Variants in LTBP2 observed in about 807,000 individuals in gnomAD.
LTBP2 encodes the protein latent transforming growth factor beta binding protein 2.
In LTBP2, 103 loss-of-function variants were observed where a neutral mutation model predicts 210.6. The ratio of observed to expected loss-of-function variants is 0.49; its 90% confidence interval spans 0.42 to 0.58. The LOEUF is 0.58. Ranked by LOEUF, LTBP2 falls within the 20% of genes least tolerant of loss-of-function variation. LTBP2 has a pLI of 0.00. For synonymous variants in LTBP2, 1,007 were observed against 1,015.0 expected (o/e 0.99, Z 0.15); for missense variants, 2,313 against 2,494.5 (o/e 0.93, Z 1.55).
In LTBP2 at chr14:74,551,201, C is replaced by T; in HGVS notation, c.1549G>A (p.Ala517Thr). The change falls in exon 7 of 36, where the codon GCC becomes ACC. Residue 517 changes from alanine (A) to threonine (T), a missense_variant. Coordinates refer to ENST00000261978, the MANE Select transcript of LTBP2 (RefSeq NM_000428.3). The part of the protein sequence containing the change: ...VETRPPPWLP[A>T]SPGHSLWDSN... ...TCCCAGAGGCTGTGGCCAGGGCTGG[C>T]AGGCAGCCAGGGCGGGGGTCTGGTC... 1.2e-6 allele frequency: 2 copies of T among 1,613,606 alleles called. No individual in the cohort carries two copies. Among genetic ancestry groups the T allele is most frequent in the Non-Finnish European group, 1.7e-6 (2 of 1,180,000 alleles).
At chr14:74,502,314 C>T (rs967202632) in intron 34 of LTBP2, among the ~76,000 whole-genome samples, 5 of 152,142 alleles carry the variant, frequency 3.3e-5, no homozygotes, top group African/African-American at 1.2e-4. Context: ...GTCCTTAGAG[C>T]AGGTTATTCT....
chr14:74,555,399 G>C, intron 4 of LTBP2, 104 bp downstream of exon 4: 4 of 1,175,290 alleles, frequency 3.4e-6, no homozygotes, highest in Non-Finnish European at 3.8e-6. Context: ...TGAGGGACAA[G>C]GTGACAACTC....
chr14:74,542,143 C>T (rs10873268), intron 8 of LTBP2, among the ~76,000 whole-genome samples: 87,437 of 152,042 alleles, frequency 0.58, 25,650 homozygotes, highest in Middle Eastern at 0.69. Flanking sequence ...TCACAAATGC[C>T]CATGAAGCAT....
chr14:74,508,572 G>A (rs1294168090), intron 24 of LTBP2, 32 bp downstream of exon 24: 2 of 1,594,862 alleles, frequency 1.3e-6, no homozygotes, highest in East Asian at 4.5e-5. Flanking sequence ...CCATGCTCCT[G>A]GCCAGTAGAG....
chr14:74,500,403 A>G lies in LTBP2; in HGVS notation c.*481T>C. ...GATGGTTCTTAGGAGGGGGCTCTGG[A>G]GTCAGTCCCCAAGCTTCCCCAAATC... On this transcript the variant is annotated 3_prime_UTR_variant, in exon 36 of 36. Transcript: ENST00000261978. The G allele has an allele frequency of 2.3e-5, 8 of 345,806 alleles. No homozygotes were observed. The South Asian group carries it at 3.3e-4, about 14-fold the overall frequency. 21.4% of individuals were successfully genotyped at this position (345,806 alleles called of 1,614,324 possible).
chr14:74,531,409 G>A (rs1318840501), intron 10 of LTBP2, among the ~76,000 whole-genome samples: 1 of 152,218 alleles, frequency 6.6e-6, no homozygotes, highest in African/African-American at 2.4e-5. Context: ...GTGATGTGGA[G>A]TAGAAGGAAG....
At chr14:74,520,920 C>G (rs2087193996) in intron 17 of LTBP2, among the ~76,000 whole-genome samples, 1 of 152,250 alleles carries the variant, frequency 6.6e-6, no homozygotes, top group Non-Finnish European at 1.5e-5. Context: ...TACAGTGTCA[C>G]CATTCACACC....
Position 74,499,658 on chromosome 14 carries a change from G to A in LTBP2, c.*1226C>T. On this transcript the variant is annotated 3_prime_UTR_variant, in exon 36 of 36. Coordinates refer to ENST00000261978, the MANE Select transcript of LTBP2 (RefSeq NM_000428.3). ...GAACCCATCATAGGCTATCAGCAGA[G>A]CTGGCCAGGGAGTAGGCACAGCCTC... 1 of 226,458 alleles carries A rather than the reference G, an allele frequency of 4.4e-6. No individual in the cohort carries two copies. Among genetic ancestry groups the A allele is most frequent in the Non-Finnish European group, 8.8e-6 (1 of 113,868 alleles). The allele number at this position is 226,458 out of a possible 1,614,324, so 14.0% of individuals were successfully genotyped here. A position where few individuals can be genotyped will look rare whatever the true frequency, so the allele number is the denominator to read the frequency against.
intron 8 of LTBP2, among the ~76,000 whole-genome samples, chr14:74,537,106 T>C (rs564034438): frequency 6.6e-6 from 1 of 152,080 alleles, no homozygotes; most frequent in East Asian, 1.9e-4. Context: ...TCAGTATTTT[T>C]ATGCTGATAC....
chr14:74,560,870 T>G (rs1202166715), intron 3 of LTBP2, among the ~76,000 whole-genome samples: 1 of 152,254 alleles, frequency 6.6e-6, no homozygotes, highest in Non-Finnish European at 1.5e-5. Context: ...TGGGAGCATG[T>G]GCGTAGCTTA....
At chr14:74,587,473 G>A (rs1466767810) in intron 2 of LTBP2, among the ~76,000 whole-genome samples, 2 of 151,864 alleles carry the variant, frequency 1.3e-5, no homozygotes, top group East Asian at 3.9e-4. Flanking sequence ...TCTCTGAAGA[G>A]AGAGATGGGA....
intron 4 of LTBP2, 42 bp downstream of exon 4, chr14:74,555,460 TA>T (rs1367316223): frequency 2.5e-6 from 4 of 1,598,776 alleles, no homozygotes; most frequent in Non-Finnish European, 3.4e-6. Flanking sequence ...AAGAGAGTTC[TA>T]GAGGCCCTGC....
rs2088214925 is a variant in LTBP2, at chr14:74,586,991, G to A, written c.566-873C>T. ...TGAAACCAGGCCCTCCTCCCGGTTA[G>A]CCCTATGCAGCATTAGCCACCAGCT... On this transcript the variant is annotated intron_variant, in intron 2 of 35. Coordinates refer to ENST00000261978, the MANE Select transcript of LTBP2 (RefSeq NM_000428.3). The surrounding 1 kb of genome is among the most constrained non-coding windows in gnomAD (Gnocchi z 4.6). Among the ~76,000 whole-genome samples the A allele has an allele frequency of 6.6e-6, 1 of 152,204 alleles. No homozygotes were observed. Among genetic ancestry groups the A allele is most frequent in the African/African-American group, 2.4e-5 (1 of 41,454 alleles).
chr14:74,590,391 C>A (rs923331046), intron 2 of LTBP2, among the ~76,000 whole-genome samples: 2 of 152,136 alleles, frequency 1.3e-5, no homozygotes, highest in Admixed American at 6.5e-5. Context: ...CAACTTAATG[C>A]CCATCAACCA....
At chr14:74,503,813 G>T in intron 31 of LTBP2, 113 bp downstream of exon 31, 3 of 1,490,418 alleles carry the variant, frequency 2.0e-6, no homozygotes, top group Admixed American at 3.8e-5. Context: ...GCAGTGGGCG[G>T]CCTCCCTAGG....
chr14:74,522,559 C>T (rs570798782), intron 16 of LTBP2, among the ~76,000 whole-genome samples: 69 of 152,216 alleles, frequency 4.5e-4, no homozygotes, highest in African/African-American at 1.6e-3. Flanking sequence ...AATGGGCTGG[C>T]TTCTGTGCTC....
chr14:74,512,355 G>A (rs1307403252), intron 18 of LTBP2, among the ~76,000 whole-genome samples: 3 of 152,210 alleles, frequency 2.0e-5, no homozygotes, highest in Non-Finnish European at 4.4e-5. Context: ...CATTCTTCTA[G>A]AGGAAGTCCA....
chr14:74,518,027 G>T (rs370491807), intron 17 of LTBP2, among the ~76,000 whole-genome samples: 1 of 152,176 alleles, frequency 6.6e-6, no homozygotes, highest in Non-Finnish European at 1.5e-5. Flanking sequence ...CTTCCACCTG[G>T]AGTCTCTTTC....
At position 74,500,415 on chromosome 14, in the gene LTBP2, A is replaced by G. The variant is rs1489627314; in HGVS notation, c.*469T>C. ...GAGGGGGCTCTGGAGTCAGTCCCCA[A>G]GCTTCCCCAAATCCTTTCTTGCTCC... On this transcript the variant is annotated 3_prime_UTR_variant, in exon 36 of 36. Transcript: ENST00000261978. 8 of 355,792 alleles carry G rather than the reference A, an allele frequency of 2.2e-5. No homozygotes were observed. The highest frequency in any genetic ancestry group is 3.8e-5 in the South Asian group (1 of 26,390). 22.0% of individuals were successfully genotyped at this position (355,792 alleles called of 1,614,324 possible).
Sources: gnomAD v4.1 joint callset for allele counts (sites outside exome capture counted in the v4.1 genomes callset) on GRCh38, gnomAD v4.1.1 for gene constraint, Gnocchi (gnomAD v3.1) non-coding constraint, MANE v1.5 for transcripts, NCBI Gene and HGNC (gene_info 2026-07-23, HGNC 2026-07-21) for gene names.